LMBR1: variants seen among roughly 807,000 people sequenced by gnomAD.
LMBR1 encodes the protein limb development membrane protein 1.
Under a neutral mutation model 73.9 loss-of-function variants are expected in LMBR1, and 52 were observed. The ratio of observed to expected loss-of-function variants is 0.70; its 90% CI spans 0.56 to 0.89. The LOEUF is 0.89. Among genes scored for constraint, LMBR1 ranks in the 40% least tolerant of loss-of-function variants. The pLI, the probability that LMBR1 is intolerant of heterozygous loss-of-function variation, is 0.00. For missense variants in LMBR1, 539 were observed against 579.8 expected (o/e 0.93, Z 0.72); for synonymous variants, 215 against 209.4 (o/e 1.03, Z -0.23).
chr7:156,726,444 T>A (rs550574583), intron 12 of LMBR1, among the ~76,000 whole-genome samples: 1 of 151,966 alleles, frequency 6.6e-6, no homozygotes, highest in African/African-American at 2.4e-5. Context: ...TCTCAAAAAC[T>A]ATCTTTACCT....
At chr7:156,734,292 G>A in intron 9 of LMBR1, 35 bp from the exon 10 acceptor site, 1 of 1,428,296 alleles carries the variant, frequency 7.0e-7, no homozygotes, top group Non-Finnish European at 9.7e-7. Flanking sequence ...AAGTAAAACA[G>A]AACCCCTAAC....
chr7:156,786,474 T>G (rs1468780792), intron 5 of LMBR1, among the ~76,000 whole-genome samples: 5 of 152,148 alleles, frequency 3.3e-5, no homozygotes, highest in African/African-American at 1.2e-4. Context: ...TAACTTAGAT[T>G]TTCTCTTTTT....
chr7:156,773,667 A>T (rs746004717), intron 5 of LMBR1, among the ~76,000 whole-genome samples: 4 of 152,190 alleles, frequency 2.6e-5, no homozygotes, highest in Non-Finnish European at 5.9e-5. Flanking sequence ...CTGAAACTGG[A>T]TCCCTTCCTT....
In LMBR1 at chr7:156,680,387, A is replaced by AGAGAGG. The variant is rs1804813769; in HGVS notation, c.*3690_*3691insCCTCTC. 1 of 141,942 alleles carries AGAGAGG rather than the reference A, an allele frequency of 7.0e-6. No homozygotes were observed. Among genetic ancestry groups the AGAGAGG allele is most frequent in the African/African-American group, 2.8e-5 (1 of 36,112 alleles). 8.8% of individuals were successfully genotyped at this position (141,942 alleles called of 1,614,324 possible). A position where few individuals can be genotyped will look rare whatever the true frequency, so the allele number is the denominator to read the frequency against. ...ACGTATCTGAGAGACAGAGAGAGAG[A>AGAGAGG]GAGAGAGAGAGAGAGAGTGTGTGTG... On this transcript the variant is annotated 3_prime_UTR_variant, in exon 17 of 17. Transcript: ENST00000353442.
At chr7:156,733,662 A>C in intron 10 of LMBR1, among the ~76,000 whole-genome samples, 1 of 152,216 alleles carries the variant, frequency 6.6e-6, no homozygotes, top group African/African-American at 2.4e-5. Flanking sequence ...ATAGCCTAAA[A>C]TACATGTAAC....
At chr7:156,711,382 T>C (rs1812055104) in intron 15 of LMBR1, among the ~76,000 whole-genome samples, 1 of 152,162 alleles carries the variant, frequency 6.6e-6, no homozygotes, top group African/African-American at 2.4e-5. Flanking sequence ...AAACATCCCA[T>C]GCTCATGAAT....
At chr7:156,828,863 C>T (rs1284100415) in intron 3 of LMBR1, among the ~76,000 whole-genome samples, 1 of 152,162 alleles carries the variant, frequency 6.6e-6, no homozygotes, top group African/African-American at 2.4e-5. Context: ...CATGGTGCCC[C>T]ACCCAAATTT....
intron 15 of LMBR1, among the ~76,000 whole-genome samples, chr7:156,709,636 A>T (rs1478157008): frequency 6.6e-6 from 1 of 152,190 alleles, no homozygotes; most frequent in Non-Finnish European, 1.5e-5. Flanking sequence ...GCTCTCAGGA[A>T]GCCCCATCCC....
chr7:156,690,208 T>C (rs1320162639), intron 15 of LMBR1, among the ~76,000 whole-genome samples: 1 of 152,228 alleles, frequency 6.6e-6, no homozygotes, highest in Non-Finnish European at 1.5e-5. Flanking sequence ...ACCCCATATA[T>C]GTGTATTTAA....
chr7:156,672,297 C>T (rs936432704), intron 4 of LMBR1, among the ~76,000 whole-genome samples: 10 of 152,084 alleles, frequency 6.6e-5, no homozygotes, highest in Admixed American at 3.3e-4. Flanking sequence ...GGTGTGACGA[C>T]GACAGGTGCA....
At chr7:156,804,568 A>T (rs1418760045) in intron 4 of LMBR1, among the ~76,000 whole-genome samples, 2 of 152,230 alleles carry the variant, frequency 1.3e-5, no homozygotes, top group African/African-American at 4.8e-5. Flanking sequence ...GGAATATCTT[A>T]TTGCTGTTTT....
In LMBR1 at chr7:156,669,854, C is replaced by T. The variant is rs542001779; in HGVS notation, n.867-567G>A. Among the ~76,000 whole-genome samples the T allele has an allele frequency of 5.3e-5, 8 of 152,240 alleles. No homozygotes were observed. Among genetic ancestry groups the T allele is most frequent in the East Asian group, 3.9e-4 (2 of 5,162 alleles). ...GAGACGTGCAGTTGGGCCTGCAGCA[C>T]GCAGGGCTTGGGGACTCTGTTCCAG... On this transcript the variant is annotated intron_variant and non_coding_transcript_variant, in intron 4 of 4. Transcript: ENST00000430825. This position sits in a 1 kb window ranked among gnomAD's most constrained non-coding sequence, Gnocchi z 4.2.
At chr7:156,805,007 G>A (rs1279997767) in intron 4 of LMBR1, among the ~76,000 whole-genome samples, 1 of 152,114 alleles carries the variant, frequency 6.6e-6, no homozygotes, top group East Asian at 1.9e-4. Flanking sequence ...GTTACAGTTT[G>A]CGAATGGTGC....
chr7:156,798,968 C>T (rs1273587798), intron 4 of LMBR1, among the ~76,000 whole-genome samples: 1 of 150,832 alleles, frequency 6.6e-6, no homozygotes, highest in African/African-American at 2.4e-5. Flanking sequence ...CCGAGGCAGG[C>T]AGATTACGAG....
At chr7:156,819,805 G>A (rs969340711) in intron 4 of LMBR1, among the ~76,000 whole-genome samples, 10 of 152,030 alleles carry the variant, frequency 6.6e-5, no homozygotes, top group East Asian at 1.9e-4. Context: ...AACTCAGAGC[G>A]GGTCCCTGAA....
intron 15 of LMBR1, among the ~76,000 whole-genome samples, chr7:156,713,385 T>C (rs1812505799): frequency 6.6e-6 from 1 of 152,092 alleles, no homozygotes; most frequent in Non-Finnish European, 1.5e-5. Flanking sequence ...TAACGTAAAC[T>C]CTGGACTCTG....
chr7:156,875,598 C>A (rs1384858697), intron 1 of LMBR1, among the ~76,000 whole-genome samples: 4 of 152,104 alleles, frequency 2.6e-5, no homozygotes, highest in African/African-American at 9.7e-5. Context: ...AAAGAAAAAC[C>A]AGAGTAACTG....
At chr7:156,798,520 A>G (rs1004573973) in intron 4 of LMBR1, among the ~76,000 whole-genome samples, 4 of 152,290 alleles carry the variant, frequency 2.6e-5, no homozygotes, top group African/African-American at 9.6e-5. Flanking sequence ...AGTTGTATCT[A>G]AAGAATAAAT....
chr7:156,705,864 G>A (rs1810813294), intron 15 of LMBR1, among the ~76,000 whole-genome samples: 1 of 151,936 alleles, frequency 6.6e-6, no homozygotes, highest in South Asian at 2.1e-4. Flanking sequence ...TAGAGAAAAA[G>A]ATAACAAAGA....
Sources: allele counts gnomAD v4.1 joint callset (sites outside exome capture counted in the v4.1 genomes callset), GRCh38; gene constraint gnomAD v4.1.1; non-coding constraint Gnocchi (gnomAD v3.1); transcripts MANE v1.5; gene names NCBI Gene and HGNC (gene_info 2026-07-23, HGNC 2026-07-21).